Variants in AKR1C3 observed in about 807,000 individuals in gnomAD.
The protein encoded by AKR1C3 is 3-alpha hydroxysteroid dehydrogenase, type II.
In AKR1C3, 48 loss-of-function variants were observed where a neutral mutation model predicts 43.6. That is an observed-to-expected ratio of 1.10 (90% CI 0.87 to 1.40). The LOEUF (loss-of-function observed/expected upper bound fraction) is 1.40, where lower values mean the gene tolerates loss of function less well. AKR1C3 is among the 40% of genes most tolerant of loss of function. The probability of loss-of-function intolerance (pLI) is 0.00; values close to 1 mark genes in which losing one functional copy is unlikely to be tolerated. For synonymous variants in AKR1C3, 162 were observed against 139.6 expected (o/e 1.16, Z -1.13); for missense variants, 482 against 391.2 (o/e 1.23, Z -1.96).
intron 1 of AKR1C3, among the ~76,000 whole-genome samples, chr10:5,075,989 C>G (rs1460544327): frequency 6.6e-6 from 1 of 152,152 alleles, no homozygotes; most frequent in Non-Finnish European, 1.5e-5. Flanking sequence ...CTGAGCTGCA[C>G]TGGTTTCTGA....
At chr10:5,102,986 A>G (rs12775701) in intron 7 of AKR1C3, among the ~76,000 whole-genome samples, 77,434 of 150,490 alleles carry the variant, frequency 0.51, 20,478 homozygotes, top group East Asian at 0.86. Flanking sequence ...TGTCTCCCAG[A>G]TGGGATGATT....
At chr10:5,062,530 C>T (rs1378134345) in intron 1 of AKR1C3, among the ~76,000 whole-genome samples, 3 of 152,120 alleles carry the variant, frequency 2.0e-5, no homozygotes, top group African/African-American at 7.2e-5. Flanking sequence ...TGAACATTCA[C>T]CCTTAGCATG....
intron 1 of AKR1C3, among the ~76,000 whole-genome samples, chr10:5,071,370 T>C (rs1483177757): frequency 6.6e-6 from 1 of 152,224 alleles, no homozygotes; most frequent in Admixed American, 6.5e-5. Context: ...ATTCCCTCTC[T>C]ACATAATGAG....
chr10:5,064,691 GAAC>G (rs782507883), intron 1 of AKR1C3, among the ~76,000 whole-genome samples: 6 of 151,936 alleles, frequency 3.9e-5, no homozygotes, highest in East Asian at 1.9e-4. Flanking sequence ...CAAGCAAAAA[GAAC>G]AACAACTCCA....
chr10:5,091,254 T>C (rs1839082331), upstream of AKR1C3, among the ~76,000 whole-genome samples: 1 of 152,086 alleles, frequency 6.6e-6, no homozygotes, highest in Non-Finnish European at 1.5e-5. Flanking sequence ...ATTGCTGAAA[T>C]TACGTCCAAA....
chr10:5,099,217 T>G, intron 4 of AKR1C3, 110 bp from the exon 5 acceptor site: 1 of 1,544,818 alleles, frequency 6.5e-7, no homozygotes, highest in Non-Finnish European at 8.8e-7. Context: ...CACTGCTAGC[T>G]ATTTTCATTG....
chr10:5,106,649 G>T (rs587593622), intron 8 of AKR1C3, among the ~76,000 whole-genome samples: 1 of 152,178 alleles, frequency 6.6e-6, no homozygotes, highest in African/African-American at 2.4e-5. Context: ...TACTTGGAAG[G>T]CTGAGGCAGG....
intron 1 of AKR1C3, among the ~76,000 whole-genome samples, chr10:5,060,917 G>A (rs527917844): frequency 6.6e-6 from 1 of 152,346 alleles, no homozygotes; most frequent in African/African-American, 2.4e-5. Context: ...GGGGCTTGCG[G>A]GCTGGCCAGC....
chr10:5,058,487 G>C (rs1456637597), intron 1 of AKR1C3, among the ~76,000 whole-genome samples: 1 of 152,178 alleles, frequency 6.6e-6, no homozygotes, highest in South Asian at 2.1e-4. Flanking sequence ...TGCATTCCAA[G>C]GGTGAGCCTG....
intron 1 of AKR1C3, among the ~76,000 whole-genome samples, chr10:5,084,392 T>A (rs1375070240): frequency 1.3e-4 from 20 of 151,516 alleles, no homozygotes; most frequent in East Asian, 3.9e-4. Flanking sequence ...GTTGTAGATA[T>A]GCGGCATTAT....
chr10:5,072,952 T>A (rs1211354584), intron 1 of AKR1C3, among the ~76,000 whole-genome samples: 1 of 152,198 alleles, frequency 6.6e-6, no homozygotes, highest in African/African-American at 2.4e-5. Context: ...TAATGCTTTT[T>A]AAATTTTATT....
chr10:5,090,739 A>G (rs563777956), upstream of AKR1C3, among the ~76,000 whole-genome samples: 1 of 152,200 alleles, frequency 6.6e-6, no homozygotes, highest in Non-Finnish European at 1.5e-5. Context: ...GTGTTGGGCA[A>G]TTTTCCAATT....
chr10:5,072,135 G>C (rs909623762), intron 1 of AKR1C3, among the ~76,000 whole-genome samples: 9 of 152,078 alleles, frequency 5.9e-5, no homozygotes, highest in Non-Finnish European at 1.3e-4. Flanking sequence ...CTTATCTCTG[G>C]GTTCTAGTAC....
chr10:5,083,512 A>G (rs1838883560), intron 1 of AKR1C3, among the ~76,000 whole-genome samples: 1 of 152,138 alleles, frequency 6.6e-6, no homozygotes, highest in Non-Finnish European at 1.5e-5. Context: ...AGTCTTTGCT[A>G]TTGTGAATAG....
chr10:5,057,824 C>T (rs1293084038), intron 1 of AKR1C3, among the ~76,000 whole-genome samples: 6 of 152,296 alleles, frequency 3.9e-5, no homozygotes, highest in South Asian at 2.1e-4. Context: ...TCCAAACTCT[C>T]GGGCTGTAGC....
intron 8 of AKR1C3, among the ~76,000 whole-genome samples, chr10:5,105,920 C>A (rs1289870494): frequency 6.6e-6 from 1 of 152,168 alleles, no homozygotes; most frequent in Admixed American, 6.5e-5. Context: ...GAGCAGCCAA[C>A]ATCATTGCCA....
At chr10:5,091,284 G>A (rs1423395629), upstream of AKR1C3, among the ~76,000 whole-genome samples, 4 of 152,120 alleles carry the variant, frequency 2.6e-5, no homozygotes, top group Admixed American at 2.6e-4. Context: ...TGTTCCTGCT[G>A]TAACAAATTA....
chr10:5,104,381 CTTGAT>C (rs1373457197), intron 7 of AKR1C3, among the ~76,000 whole-genome samples: 1 of 36,764 alleles, frequency 2.7e-5, no homozygotes, highest in Non-Finnish European at 4.7e-5. Context: ...GCTCACATAT[CTTGAT>C]TTTTTACTCT....
intron 1 of AKR1C3, among the ~76,000 whole-genome samples, chr10:5,059,165 T>A (rs1554779959): frequency 6.6e-6 from 1 of 152,058 alleles, no homozygotes. Context: ...TGATGGGGCT[T>A]TGGGCAAAAA....
Sources: allele counts gnomAD v4.1 joint callset (sites outside exome capture counted in the v4.1 genomes callset), GRCh38; gene constraint gnomAD v4.1.1; transcripts MANE v1.5; gene names NCBI Gene and HGNC (gene_info 2026-07-23, HGNC 2026-07-21).